Variants in ANKRD20A1 observed in about 807,000 individuals in gnomAD.
ANKRD20A1 encodes ankyrin repeat domain 20 family member A1.
ANKRD20A1 carries 2 observed loss-of-function variants against 50.9 expected under a neutral mutation model. That is an observed-to-expected ratio of 0.04 (90% CI 0.02 to 0.12). The LOEUF (loss-of-function observed/expected upper bound fraction) is 0.12, where lower values mean the gene tolerates loss of function less well. Ranked by LOEUF, ANKRD20A1 falls within the 10% of genes least tolerant of loss-of-function variation. The pLI is 1.00. For synonymous variants in ANKRD20A1, 10 were observed against 186.2 expected, an observed-to-expected ratio of 0.05 and a Z score of 7.70; for missense variants, 31 against 548.1, an observed-to-expected ratio of 0.06 and a Z score of 9.42.
chr9:67,863,725 G>T (rs1827521192), intron 3 of ANKRD20A1, among the ~76,000 whole-genome samples: 1 of 39,762 alleles, frequency 2.5e-5, no homozygotes, highest in African/African-American at 1.4e-4. Flanking sequence ...CCGGAAATAG[G>T]CTTTATCTTA....
intron 4 of ANKRD20A1, among the ~76,000 whole-genome samples, chr9:67,867,708 G>A (rs1827597587): frequency 8.2e-6 from 1 of 122,662 alleles, no homozygotes; most frequent in South Asian, 2.7e-4. Context: ...TGCCAGGCTG[G>A]AGTGCAGTGG....
At chr9:67,892,619 CT>C (rs774636923) in intron 11 of ANKRD20A1, among the ~76,000 whole-genome samples, 4 of 138,774 alleles carry the variant, frequency 2.9e-5, no homozygotes, top group South Asian at 4.9e-4. Flanking sequence ...CATTCTGAGC[CT>C]TTTTTTTTCT....
intron 12 of ANKRD20A1, among the ~76,000 whole-genome samples, chr9:67,893,945 C>A (rs1283483328): frequency 3.9e-5 from 6 of 152,296 alleles, no homozygotes; most frequent in African/African-American, 4.8e-5. Flanking sequence ...TCAAATGTTG[C>A]AGTTTTATAT....
intron 6 of ANKRD20A1, among the ~76,000 whole-genome samples, chr9:67,872,073 G>A (rs1477607619): frequency 3.6e-4 from 32 of 89,516 alleles, no homozygotes; most frequent in African/African-American, 1.0e-3. Flanking sequence ...TGCTGTTCAA[G>A]GGTGAACTGT....
Position 67,861,201 on chromosome 9 carries a change from T to C in ANKRD20A1, c.203+1572T>C, listed in dbSNP as rs1486709720. Among the ~76,000 whole-genome samples the C allele has an allele frequency of 4.1e-5, 2 of 48,912 alleles. 1 individual carries two copies. The highest frequency in any genetic ancestry group is 2.3e-4 in the African/African-American group (2 of 8,540). 32.1% of individuals were successfully genotyped at this position (48,912 alleles called of 152,430 possible). On this transcript the variant is annotated intron_variant, in intron 1 of 14. Transcript: ENST00000562196. The stretch of plus-strand genomic sequence containing the variant: ...AAATAATTTCTCACTTTCTATTCTT[T>C]ATCATTATTGTGTGTGTTGTTATCT...
chr9:67,892,413 CTG>C (rs1157619954), intron 11 of ANKRD20A1, among the ~76,000 whole-genome samples: 1 of 89,922 alleles, frequency 1.1e-5, no homozygotes, highest in African/African-American at 3.6e-5. Flanking sequence ...AAAATTAAGA[CTG>C]TTTATACAAA....
chr9:67,871,789 A>G (rs1411072222), intron 6 of ANKRD20A1, among the ~76,000 whole-genome samples: 1 of 141,562 alleles, frequency 7.1e-6, no homozygotes, highest in Non-Finnish European at 1.6e-5. Context: ...TCCTGATAAC[A>G]TAAACAGTTG....
intron 12 of ANKRD20A1, among the ~76,000 whole-genome samples, chr9:67,896,295 T>C (rs1440126778): frequency 1.3e-5 from 1 of 75,838 alleles, no homozygotes; most frequent in African/African-American, 3.9e-5. Flanking sequence ...TTAATGTGTT[T>C]TCATGCATGC....
At chr9:67,886,090 A>AGAT (rs1266272765) in intron 9 of ANKRD20A1, among the ~76,000 whole-genome samples, 1 of 100,174 alleles carries the variant, frequency 1.0e-5, no homozygotes, top group East Asian at 2.8e-4. Flanking sequence ...GGGAAGCATC[A>AGAT]GGATGACAGT....
chr9:67,860,023 A>C lies in ANKRD20A1; in HGVS notation c.203+394A>C, dbSNP rs1409358898. 4.8e-5 allele frequency among the ~76,000 whole-genome samples: 2 copies of C among 41,998 alleles called. 1 individual carries two copies. The highest frequency in any genetic ancestry group is 2.7e-4 in the African/African-American group (2 of 7,380). 27.6% of individuals were successfully genotyped at this position (41,998 alleles called of 152,430 possible). A position where few individuals can be genotyped will look rare whatever the true frequency, so the allele number is the denominator to read the frequency against. ...TATATATATTTTTTTTTCAGATGAA[A>C]AGTATGTTTTCATTTTATAGGGAAT... is the stretch of plus-strand genomic sequence containing the variant. On this transcript the variant is annotated intron_variant, in intron 1 of 14. Coordinates refer to ENST00000562196, the MANE Select transcript of ANKRD20A1 (RefSeq NM_032250.5).
Position 67,863,683 on chromosome 9 carries a change from AGT to A in ANKRD20A1, c.492+295_492+296del, listed in dbSNP as rs1170426171. ...TTCTTTTTTTTTTTTTTTCTTAATTAGTGTAAAACAACACAGGAAATAAAATA... is the reference window on the plus strand; with the variant it reads ...TTCTTTTTTTTTTTTTTTCTTAATTAGTAAAACAACACAGGAAATAAAATA... On this transcript the variant is annotated intron_variant, in intron 3 of 14. Transcript: ENST00000562196. 2.5e-3 allele frequency among the ~76,000 whole-genome samples: 86 copies of A among 34,080 alleles called. 37 individuals carry two copies. Among genetic ancestry groups the A allele is most frequent in the African/African-American group, 0.013 (78 of 6,050 alleles). 22.4% of individuals were successfully genotyped at this position (34,080 alleles called of 152,430 possible). A position where few individuals can be genotyped will look rare whatever the true frequency, so the allele number is the denominator to read the frequency against.
chr9:67,881,403 A>G (rs1487876649), intron 8 of ANKRD20A1, among the ~76,000 whole-genome samples: 1 of 150,232 alleles, frequency 6.7e-6, no homozygotes, highest in Non-Finnish European at 1.5e-5. Flanking sequence ...AACCAGTTCT[A>G]GAAGCAGAGA....
In ANKRD20A1 at chr9:67,860,521, C is replaced by A. The variant is rs1488728016; in HGVS notation, c.203+892C>A. 9 of 43,116 alleles carry A rather than the reference C, an allele frequency of 2.1e-4. 3 individuals are homozygous for A. Among genetic ancestry groups the A allele is most frequent in the Non-Finnish European group, 3.6e-4 (8 of 22,248 alleles). The allele number at this position is 43,116 out of a possible 1,614,324, so 2.7% of individuals were successfully genotyped here. On this transcript the variant is annotated intron_variant, in intron 1 of 14. Transcript: ENST00000562196. ...AACACTCTAAAAGTGGGCAAAGTAC[C>A]TTTTTCCAGATCTACAAGTTACTTA...
chr9:67,882,686 A>G (rs76914166), intron 8 of ANKRD20A1, among the ~76,000 whole-genome samples: 68,648 of 93,302 alleles, frequency 0.74, 23,285 homozygotes, highest in East Asian at 0.91. Flanking sequence ...TGTGCACAAT[A>G]TGTGGGTTTG....
chr9:67,881,439 C>CT (rs1281834618), intron 8 of ANKRD20A1, among the ~76,000 whole-genome samples: 1 of 150,208 alleles, frequency 6.7e-6, no homozygotes. Context: ...GATGGTAAGA[C>CT]TTTATCATCA....
At position 67,861,399 on chromosome 9, in the gene ANKRD20A1, T is replaced by C. The variant is rs1827498703; in HGVS notation, c.204-1542T>C. Among the ~76,000 whole-genome samples the C allele has an allele frequency of 4.8e-5, 2 of 42,082 alleles. 1 individual carries two copies. The highest frequency in any genetic ancestry group is 1.6e-3 in the South Asian group (2 of 1,236). 27.6% of individuals were successfully genotyped at this position (42,082 alleles called of 152,430 possible). On this transcript the variant is annotated intron_variant, in intron 1 of 14. Coordinates refer to ENST00000562196, the MANE Select transcript of ANKRD20A1 (RefSeq NM_032250.5). ...TTCTTTAAAAATAAAACAACACATA[T>C]AAATAATTACTATTGCAAAAATATT...
At chr9:67,881,537 T>C (rs1286720011) in intron 8 of ANKRD20A1, among the ~76,000 whole-genome samples, 3 of 151,786 alleles carry the variant, frequency 2.0e-5, no homozygotes, top group Non-Finnish European at 2.9e-5. Flanking sequence ...GAGGCCGAGG[T>C]CGGTAGATCA....
At chr9:67,875,425 CA>C (rs1827709933) in intron 6 of ANKRD20A1, among the ~76,000 whole-genome samples, 1 of 104,216 alleles carries the variant, frequency 9.6e-6, no homozygotes, top group Non-Finnish European at 2.0e-5. Context: ...AGAGATTTCT[CA>C]TATATCCCAT....
intron 6 of ANKRD20A1, among the ~76,000 whole-genome samples, chr9:67,872,208 A>G (rs1336886366): frequency 0.021 from 1,835 of 87,098 alleles, 26 homozygotes; most frequent in African/African-American, 0.056. Flanking sequence ...GTGCACCCAT[A>G]CAAATAGGAG....
Sources: gnomAD v4.1 joint callset for allele counts (sites outside exome capture counted in the v4.1 genomes callset) on GRCh38, gnomAD v4.1.1 for gene constraint, MANE v1.5 for transcripts, NCBI Gene and HGNC (gene_info 2026-07-23, HGNC 2026-07-21) for gene names.